CTTNBP2: variants seen among roughly 807,000 people sequenced by gnomAD.
The protein encoded by CTTNBP2 is cortactin binding protein 2.
Under a neutral mutation model 156.9 loss-of-function variants are expected in CTTNBP2, and 108 were observed. The ratio of observed to expected loss-of-function variants is 0.69; its 90% CI spans 0.59 to 0.81. The LOEUF (loss-of-function observed/expected upper bound fraction) is 0.81. Among genes scored for constraint, CTTNBP2 ranks in the 30% least tolerant of loss-of-function variants. The pLI is 0.00. For synonymous variants in CTTNBP2, 767 were observed against 751.8 expected, an observed-to-expected ratio of 1.02 and a Z score of -0.33; for missense variants, 1,924 against 2,035.4, an observed-to-expected ratio of 0.95 and a Z score of 1.05.
Position 117,735,031 on chromosome 7 carries a change from C to G in CTTNBP2, c.3758G>C (p.Cys1253Ser). ...CACCAGCAAGTCGGAGCCCTGGAGA[C>G]AGGCCTTGGCGATGGTTCCCATCAG... ...CFLMGTIAKACLQGSDLLVQQ... is the reference protein window; with the variant it reads ...CFLMGTIAKASLQGSDLLVQQ... The change falls in exon 16 of 23, where the codon TGT becomes TCT. Residue 1253 changes from cysteine (C) to serine (S), a missense_variant. Transcript: ENST00000160373. 1 of 1,614,228 alleles carries G rather than the reference C, an allele frequency of 6.2e-7. No homozygotes were observed. Among genetic ancestry groups the G allele is most frequent in the Non-Finnish European group, 8.5e-7 (1 of 1,180,030 alleles).
At chr7:117,807,716 G>T (rs540054664) in intron 3 of CTTNBP2, among the ~76,000 whole-genome samples, 1 of 152,254 alleles carries the variant, frequency 6.6e-6, no homozygotes, top group South Asian at 2.1e-4. Context: ...GAGCAGTGAG[G>T]GCACCAGTGC....
At chr7:117,855,853 G>A (rs990225432) in intron 2 of CTTNBP2, among the ~76,000 whole-genome samples, 2 of 152,112 alleles carry the variant, frequency 1.3e-5, no homozygotes, top group Non-Finnish European at 2.9e-5. Context: ...AATATATAAA[G>A]CCAAGAAACA....
At chr7:117,863,953 T>G (rs1457511855) in intron 1 of CTTNBP2, among the ~76,000 whole-genome samples, 1 of 152,234 alleles carries the variant, frequency 6.6e-6, no homozygotes, top group Non-Finnish European at 1.5e-5. Flanking sequence ...AATGCTTTAT[T>G]AATGATGCTG....
intron 1 of CTTNBP2, among the ~76,000 whole-genome samples, chr7:117,863,319 T>C (rs1803898145): frequency 6.6e-6 from 1 of 152,206 alleles, no homozygotes; most frequent in Admixed American, 6.5e-5. Flanking sequence ...ATAAATCATG[T>C]ATAGTTCTGA....
At chr7:117,801,579 A>C (rs888331231) in intron 3 of CTTNBP2, among the ~76,000 whole-genome samples, 1 of 152,252 alleles carries the variant, frequency 6.6e-6, no homozygotes, top group African/African-American at 2.4e-5. Flanking sequence ...ATGCTGTTTC[A>C]ATTATAAATT....
intron 2 of CTTNBP2, among the ~76,000 whole-genome samples, chr7:117,826,937 C>T (rs1468004686): frequency 6.6e-6 from 1 of 151,340 alleles, no homozygotes; most frequent in Non-Finnish European, 1.5e-5. Flanking sequence ...TTTCAGCTCA[C>T]TGCAACCTCC....
intron 2 of CTTNBP2, among the ~76,000 whole-genome samples, chr7:117,819,599 T>TGTCTGA (rs1229019541): frequency 6.6e-6 from 1 of 152,158 alleles, no homozygotes; most frequent in African/African-American, 2.4e-5. Flanking sequence ...TTCATTTCAG[T>TGTCTGA]GTCTGCATCT....
At chr7:117,803,848 TA>T (rs1030852819) in intron 3 of CTTNBP2, among the ~76,000 whole-genome samples, 1 of 152,168 alleles carries the variant, frequency 6.6e-6, no homozygotes, top group East Asian at 1.9e-4. Flanking sequence ...ATTTTGTCCT[TA>T]AAAAAGGTAA....
At position 117,711,249 on chromosome 7, in the gene CTTNBP2, C is replaced by T; in HGVS notation, c.*288G>A. 1 of 318,720 alleles carries T rather than the reference C, an allele frequency of 3.1e-6. No homozygotes were observed. Among genetic ancestry groups the T allele is most frequent in the East Asian group, 7.3e-5 (1 of 13,614 alleles). The allele number at this position is 318,720 out of a possible 1,614,324, so 19.7% of individuals were successfully genotyped here. ...TACAGTACACAGTTCTGTTTTAATA[C>T]CCCTGAACATCTTGATTAAAACTAT... On this transcript the variant is annotated 3_prime_UTR_variant, in exon 23 of 23. Transcript: ENST00000160373.
At chr7:117,745,774 C>T in intron 14 of CTTNBP2, 57 bp downstream of exon 14, 1 of 1,123,170 alleles carries the variant, frequency 8.9e-7, no homozygotes, top group Non-Finnish European at 1.4e-6. Flanking sequence ...CTCTTAATGG[C>T]ATAATTGAAG....
chr7:117,769,900 C>T (rs931848073), intron 8 of CTTNBP2, among the ~76,000 whole-genome samples: 3 of 152,196 alleles, frequency 2.0e-5, no homozygotes, highest in African/African-American at 7.2e-5. Context: ...ACTCTATCTA[C>T]CACTGTTGCT....
chr7:117,774,817 T>C (rs1798007708), intron 8 of CTTNBP2, among the ~76,000 whole-genome samples: 1 of 152,080 alleles, frequency 6.6e-6, no homozygotes, highest in Non-Finnish European at 1.5e-5. Flanking sequence ...TAGACAAATG[T>C]ATGCTAGAGA....
intron 3 of CTTNBP2, among the ~76,000 whole-genome samples, chr7:117,807,340 A>C (rs1342867560): frequency 2.0e-5 from 3 of 152,224 alleles, no homozygotes; most frequent in Non-Finnish European, 4.4e-5. Flanking sequence ...ATTTAAAATG[A>C]AAATACATTT....
Position 117,792,358 on chromosome 7 carries a change from A to C in CTTNBP2, c.838T>G (p.Ser280Ala). The change falls in exon 4 of 23, where the codon TCT (serine) becomes GCT (alanine). Residue 280 changes from serine to alanine, a missense_variant. Physicochemically the swap from Ser to Ala is moderately conservative, Grantham distance 99. Coordinates refer to ENST00000160373, the MANE Select transcript of CTTNBP2 (RefSeq NM_033427.3). The surrounding 1 kb of genome is among the most constrained non-coding windows in gnomAD (Gnocchi z 4.2). ...CTATCTTTTGTCTTCCGTGGAAGAG[A>C]GAGGCTTGGTTTGCTGTCACTTCCC... The part of the protein sequence containing the change: ...KRGSDSKPSL[S>A]LPRKTKDRRL... 6.2e-7 allele frequency: 1 copy of C among 1,614,114 alleles called. No individual in the cohort carries two copies. The highest frequency in any genetic ancestry group is 1.1e-5 in the South Asian group (1 of 91,084).
intron 2 of CTTNBP2, among the ~76,000 whole-genome samples, chr7:117,825,890 T>G (rs1382869768): frequency 6.6e-6 from 1 of 152,218 alleles, no homozygotes; most frequent in East Asian, 1.9e-4. Context: ...AGGTTTTCCC[T>G]ATTCTTATAT....
intron 2 of CTTNBP2, among the ~76,000 whole-genome samples, chr7:117,843,232 A>G (rs1802380215): frequency 6.6e-6 from 1 of 152,208 alleles, no homozygotes. Context: ...ATTTTATATC[A>G]GGGACTTGGG....
intron 3 of CTTNBP2, among the ~76,000 whole-genome samples, chr7:117,798,189 A>T (rs1799427061): frequency 6.6e-6 from 1 of 152,144 alleles, no homozygotes. Flanking sequence ...ACAATATCTC[A>T]CTTAAAAAAC....
chr7:117,792,904 CCA>C lies in CTTNBP2; in HGVS notation c.415-125_415-124del. On this transcript the variant is annotated intron_variant, in intron 3 of 22. Coordinates refer to ENST00000160373, the MANE Select transcript of CTTNBP2 (RefSeq NM_033427.3). The surrounding 1 kb of genome is among the most constrained non-coding windows in gnomAD (Gnocchi z 4.2). Reference sequence around the variant, plus strand: ...TACATAACTCGGGTTAGCAAAAACGCCACATTTTCAAAAAGTGTTGTGATAAG... The same window carrying C: ...TACATAACTCGGGTTAGCAAAAACGCCATTTTCAAAAAGTGTTGTGATAAG... The C allele has an allele frequency of 1.7e-6, 1 of 602,126 alleles. No individual in the cohort carries two copies. The highest frequency in any genetic ancestry group is 3.1e-5 in the East Asian group (1 of 32,190). 37.3% of individuals were successfully genotyped at this position (602,126 alleles called of 1,614,324 possible).
chr7:117,751,516 C>T (rs367978621), intron 12 of CTTNBP2, among the ~76,000 whole-genome samples: 2 of 152,152 alleles, frequency 1.3e-5, no homozygotes, highest in African/African-American at 4.8e-5. Context: ...CCACTGATGG[C>T]ACAATTACGG....
Sources: allele counts gnomAD v4.1 joint callset (sites outside exome capture counted in the v4.1 genomes callset), GRCh38; gene constraint gnomAD v4.1.1; non-coding constraint Gnocchi (gnomAD v3.1); transcripts MANE v1.5; gene names NCBI Gene and HGNC (gene_info 2026-07-23, HGNC 2026-07-21).